The following DIP2A variants were observed in gnomAD, a reference collection of about 807,000 sequenced individuals.
The protein encoded by DIP2A is DIP2 acetate--CoA ligase A.
DIP2A carries 85 observed loss-of-function variants against 177.4 expected under a neutral mutation model. That is an observed-to-expected ratio of 0.48 (90% CI 0.40 to 0.57). The LOEUF (loss-of-function observed/expected upper bound fraction) is 0.57, where lower values mean the gene tolerates loss of function less well. Among genes scored for constraint, DIP2A ranks in the 20% least tolerant of loss-of-function variants. DIP2A has a pLI of 0.00. For missense variants in DIP2A, 1,791 were observed against 2,100.2 expected (o/e 0.85, Z 2.88); for synonymous variants, 886 against 881.8 (o/e 1.00, Z -0.08).
At chr21:46,559,164 G>C (rs1375164687) in intron 32 of DIP2A, 1 of 150,870 alleles carries the variant, frequency 6.6e-6, no homozygotes, top group Admixed American at 6.6e-5. Flanking sequence ...AGAGCTCACG[G>C]CAGTTCTGTT....
rs1360235362 is a variant in DIP2A at position 46,533,584 on chromosome 21, A to G, written c.1366A>G (p.Thr456Ala). Residue 456 changes from threonine (T) to alanine (A), a missense_variant, in exon 11 of 38, where the codon ACC (threonine) becomes GCC (alanine). By Grantham distance (58) the Thr-to-Ala change is moderately conservative. Transcript: ENST00000417564. The stretch of plus-strand genomic sequence containing the variant: ...CAGCTGTGGAGTCTTCTTGGCCCTG[A>G]CCACAGACGCTTGTCAGAAAGGCCT... ...LGSCGVFLAL[T>A]TDACQKGLPK... 1 of 1,614,030 alleles carries G rather than the reference A, an allele frequency of 6.2e-7. No homozygotes were observed. Among genetic ancestry groups the G allele is most frequent in the South Asian group, 1.1e-5 (1 of 91,088 alleles).
downstream of DIP2A, among the ~76,000 whole-genome samples, chr21:46,573,835 G>A (rs893950951): frequency 7.9e-5 from 12 of 151,900 alleles, no homozygotes; most frequent in Non-Finnish European, 1.6e-4. Flanking sequence ...TACAATGACA[G>A]ATCATCAAAA....
rs1470419240 is a variant in DIP2A, at chr21:46,538,619, G to GC, written c.1921+20dup. ...CCAACCCGTGTGAGTGAGCCTGTGT[G>GC]CCCGGCGCATACCCCACACAGTGTC... is the stretch of plus-strand genomic sequence containing the variant. On this transcript the variant is annotated intron_variant, in intron 16 of 37. Transcript: ENST00000417564. 1 of 1,546,472 alleles carries GC rather than the reference G, an allele frequency of 6.5e-7. No homozygotes were observed. Among genetic ancestry groups the GC allele is most frequent in the Admixed American group, 2.0e-5 (1 of 51,044 alleles).
Position 46,547,025 on chromosome 21 carries a change from G to A in DIP2A, c.2505G>A (p.Lys835=). Residue 835 remains lysine (K), a synonymous_variant, in exon 21 of 38, where the codon AAG becomes AAA. Coordinates refer to ENST00000417564, the MANE Select transcript of DIP2A (RefSeq NM_015151.4). ...CCGCACTGGCCGTGGAGCCCATGAA[G>A]TTTGTCTACAGAGGCAGGTGATGCG... ...VATALAVEPM[K]FVYRGRIAVF... 2 of 1,613,990 alleles carry A rather than the reference G, an allele frequency of 1.2e-6. No homozygotes were observed. Among genetic ancestry groups the A allele is most frequent in the Non-Finnish European group, 1.7e-6 (2 of 1,179,868 alleles).
the DIP2A span, among the ~76,000 whole-genome samples, chr21:46,581,026 C>A: frequency 6.6e-6 from 1 of 152,116 alleles, no homozygotes; most frequent in African/African-American, 2.4e-5. Context: ...TGGATGATAT[C>A]CTGAAGTATG....
chr21:46,563,625 A>C lies in DIP2A; in HGVS notation c.4090-233A>C. On this transcript the variant is annotated intron_variant, in intron 34 of 37. Transcript: ENST00000417564. The surrounding 1 kb of genome is among the most constrained non-coding windows in gnomAD (Gnocchi z 4.3). ...TGACCCTCTGCCCCTCCTGACACCC[A>C]GAGACGGGATCCCTTCTCAGGAACT... 1 of 638,132 alleles carries C rather than the reference A, an allele frequency of 1.6e-6. No individual in the cohort carries two copies. Among genetic ancestry groups the C allele is most frequent in the South Asian group, 2.1e-5 (1 of 46,886 alleles). 39.5% of individuals were successfully genotyped at this position (638,132 alleles called of 1,614,324 possible). A position where few individuals can be genotyped will look rare whatever the true frequency, so the allele number is the denominator to read the frequency against.
intron 16 of DIP2A, chr21:46,538,887 C>A (rs1179491730): frequency 1.4e-5 from 5 of 350,944 alleles, no homozygotes; most frequent in Non-Finnish European, 2.6e-5. Flanking sequence ...TGTGCTGTGG[C>A]CTGGGGTTCC....
At chr21:46,573,701 G>C (rs1391061754), downstream of DIP2A, among the ~76,000 whole-genome samples, 2 of 103,580 alleles carry the variant, frequency 1.9e-5, no homozygotes, top group African/African-American at 7.3e-5. Flanking sequence ...CATGCAAATA[G>C]TAATCAACAG....
At chr21:46,580,924 G>T in the DIP2A span, among the ~76,000 whole-genome samples, 1 of 151,996 alleles carries the variant, frequency 6.6e-6, no homozygotes, top group Non-Finnish European at 1.5e-5. Flanking sequence ...ATGTGTCTTG[G>T]GGCTGATCTT....
chr21:46,538,875 A>G (rs1481217872), intron 16 of DIP2A: 1 of 400,742 alleles, frequency 2.5e-6, no homozygotes, highest in African/African-American at 2.1e-5. Flanking sequence ...AAATTACCAG[A>G]TTGTGCTGTG....
intron 7 of DIP2A, among the ~76,000 whole-genome samples, chr21:46,510,516 T>TGGCA (rs1372015765): frequency 6.6e-6 from 1 of 152,186 alleles, no homozygotes. Flanking sequence ...CAGTGTTTCT[T>TGGCA]ACCACTTGGG....
At position 46,498,854 on chromosome 21, in the gene DIP2A, G is replaced by T. The variant is rs1281246334; in HGVS notation, c.655+21G>T. 1.3e-6 allele frequency: 2 copies of T among 1,596,564 alleles called. No homozygotes were observed. The highest frequency in any genetic ancestry group is 2.2e-5 in the East Asian group (1 of 44,548). ...CATAGGTCAGTAATAAGCTGCTGCG[G>T]CCCCTGTGCCAGCAGAGCGGGGTCA... is the stretch of plus-strand genomic sequence containing the variant. On this transcript the variant is annotated intron_variant, in intron 5 of 37. Coordinates refer to ENST00000417564, the MANE Select transcript of DIP2A (RefSeq NM_015151.4). The surrounding 1 kb of genome is among the most constrained non-coding windows in gnomAD (Gnocchi z 4.3).
intron 33 of DIP2A, chr21:46,561,234 G>A: frequency 3.6e-6 from 1 of 275,888 alleles, no homozygotes; most frequent in South Asian, 4.2e-5. Flanking sequence ...GGGACAGATA[G>A]AAGACAAGTT....
chr21:46,504,265 G>C, intron 5 of DIP2A, 96 bp from the exon 6 acceptor site: 1 of 1,495,650 alleles, frequency 6.7e-7, no homozygotes, highest in South Asian at 1.2e-5. Context: ...TTAGAACTCA[G>C]CTAGTGGAGC....
In DIP2A at chr21:46,509,249, C is replaced by A; in HGVS notation, c.785-8C>A. 6.2e-7 allele frequency: 1 copy of A among 1,610,020 alleles called. No individual in the cohort carries two copies. The highest frequency in any genetic ancestry group is 8.5e-7 in the Non-Finnish European group (1 of 1,178,296). ...GGCCTCAGTGCTCCTCTGTCCTTCC[C>A]GTGACAGGTGTCCCTGTGAACAGCA... On this transcript the variant is annotated splice_polypyrimidine_tract_variant and splice_region_variant and intron_variant, in intron 6 of 37. Coordinates refer to ENST00000417564, the MANE Select transcript of DIP2A (RefSeq NM_015151.4).
chr21:46,563,982 T>C lies in DIP2A; in HGVS notation c.4164+50T>C. ...CTTGAGCTCTCCAGCCTCACCAGCT[T>C]CACCTTCCTTCCCTTTTTGCTTCAG... On this transcript the variant is annotated intron_variant, in intron 35 of 37. Transcript: ENST00000417564. The surrounding 1 kb of genome is among the most constrained non-coding windows in gnomAD (Gnocchi z 4.3). The C allele has an allele frequency of 6.4e-7, 1 of 1,568,518 alleles. No homozygotes were observed. Among genetic ancestry groups the C allele is most frequent in the Non-Finnish European group, 8.6e-7 (1 of 1,156,656 alleles).
chr21:46,563,855 C>T lies in DIP2A; in HGVS notation c.4090-3C>T, dbSNP rs541299761. 5.6e-6 allele frequency: 9 copies of T among 1,613,412 alleles called. No individual in the cohort carries two copies. The highest frequency in any genetic ancestry group is 1.3e-5 in the African/African-American group (1 of 74,954). On this transcript the variant is annotated splice_region_variant and splice_polypyrimidine_tract_variant and intron_variant, in intron 34 of 37. Transcript: ENST00000417564. The surrounding 1 kb of genome is among the most constrained non-coding windows in gnomAD (Gnocchi z 4.3). ...ACAAGGGACATAGCTCTCCTCCTTC[C>T]AGATCCTCCCCGGCGTGAAGGTCAT... is the stretch of plus-strand genomic sequence containing the variant.
In DIP2A at chr21:46,556,394, A is replaced by AT. The variant is rs2060467612; in HGVS notation, c.3498+308dup. 2.9e-6 allele frequency: 4 copies of AT among 1,360,848 alleles called. No individual in the cohort carries two copies. In the South Asian group the frequency reaches 4.9e-5, roughly 17 times the overall value. 84.3% of individuals were successfully genotyped at this position (1,360,848 alleles called of 1,614,324 possible). A position where few individuals can be genotyped will look rare whatever the true frequency, so the allele number is the denominator to read the frequency against. Reference sequence around the variant, plus strand: ...GCTGGGAGTCAATAGCTCAATTAAAATTTTTCAGGCGGGGCGTGGTGGCTC... The same window carrying AT: ...GCTGGGAGTCAATAGCTCAATTAAAATTTTTTCAGGCGGGGCGTGGTGGCTC... On this transcript the variant is annotated intron_variant, in intron 29 of 37. Transcript: ENST00000417564. This position sits in a 1 kb window ranked among gnomAD's most constrained non-coding sequence, Gnocchi z 4.5.
chr21:46,503,277 T>G (rs1461072938), intron 5 of DIP2A, among the ~76,000 whole-genome samples: 5 of 149,718 alleles, frequency 3.3e-5, no homozygotes, highest in Non-Finnish European at 7.4e-5. Flanking sequence ...GAGCCAAGAT[T>G]GTGCCACTGC....
Sources: gnomAD v4.1 joint callset for allele counts (sites outside exome capture counted in the v4.1 genomes callset) on GRCh38, gnomAD v4.1.1 for gene constraint, Gnocchi (gnomAD v3.1) non-coding constraint, MANE v1.5 for transcripts, NCBI Gene and HGNC (gene_info 2026-07-23, HGNC 2026-07-21) for gene names.